TSC22D1: variants seen among roughly 807,000 people sequenced by gnomAD.
The protein encoded by TSC22D1 is TSC22 domain family member 1.
Under a neutral mutation model 74.2 loss-of-function variants are expected in TSC22D1, and 9 were observed. That is an observed-to-expected ratio of 0.12 (90% CI 0.07 to 0.21). The LOEUF (loss-of-function observed/expected upper bound fraction) is 0.21. TSC22D1 is among the 10% of genes least tolerant of loss of function. TSC22D1 has a pLI of 1.00. For synonymous variants in TSC22D1, 586 were observed against 492.5 expected (o/e 1.19, Z -2.51); for missense variants, 1,427 against 1,304.7 (o/e 1.09, Z -1.44).
At chr13:44,539,598 A>T in intron 1 of TSC22D1, 1 of 985,386 alleles carries the variant, frequency 1.0e-6, no homozygotes, top group Non-Finnish European at 1.2e-6. Flanking sequence ...ATTAAATTTT[A>T]GGTCTCATTT....
chr13:44,509,950 C>CAAAAAAAAAAAAAAAAAAAAAAAA, intron 1 of TSC22D1, among the ~76,000 whole-genome samples: 3 of 51,430 alleles, frequency 5.8e-5, no homozygotes, highest in Non-Finnish European at 1.1e-4. Context: ...AGAAAATAAG[C>CAAAAAAAAAAAAAAAAAAAAAAAA]AAAAAAAAAA....
At chr13:44,483,647 G>A (rs1373152068) in intron 1 of TSC22D1, among the ~76,000 whole-genome samples, 2 of 146,132 alleles carry the variant, frequency 1.4e-5, no homozygotes, top group Non-Finnish European at 3.0e-5. Flanking sequence ...CAGCCTGGGC[G>A]ACAGAGCGAG....
At chr13:44,514,671 C>T (rs1012596893) in intron 1 of TSC22D1, among the ~76,000 whole-genome samples, 1 of 152,056 alleles carries the variant, frequency 6.6e-6, no homozygotes, top group Non-Finnish European at 1.5e-5. Flanking sequence ...ACTCGCCTGG[C>T]CAACAAGGTG....
At chr13:44,555,008 G>C (rs1882535779) in intron 1 of TSC22D1, among the ~76,000 whole-genome samples, 2 of 151,676 alleles carry the variant, frequency 1.3e-5, no homozygotes, top group Non-Finnish European at 1.5e-5. Flanking sequence ...GTGTCCACTT[G>C]TTAGAAGCTT....
intron 1 of TSC22D1, chr13:44,436,934 C>T (rs1874721126): frequency 3.9e-6 from 4 of 1,038,476 alleles, no homozygotes; most frequent in Non-Finnish European, 4.6e-6. Context: ...CTGGGACCGC[C>T]CCCTACTCCC....
intron 1 of TSC22D1, among the ~76,000 whole-genome samples, chr13:44,511,728 G>C (rs904548506): frequency 6.6e-6 from 1 of 151,928 alleles, no homozygotes; most frequent in Non-Finnish European, 1.5e-5. Context: ...TAGAATTTAT[G>C]ATTTTTTTTA....
At chr13:44,473,665 T>C (rs991455318) in intron 1 of TSC22D1, among the ~76,000 whole-genome samples, 8 of 152,236 alleles carry the variant, frequency 5.3e-5, no homozygotes, top group African/African-American at 1.9e-4. Flanking sequence ...TAAATTAAGC[T>C]AGTCAGGCCA....
Position 44,575,999 on chromosome 13 carries a change from C to T in TSC22D1, c.76G>A (p.Ala26Thr), listed in dbSNP as rs149004960. The T allele has an allele frequency of 2.6e-4, 413 of 1,592,774 alleles. 2 individuals are homozygous for T. In the African/African-American group the frequency reaches 5.1e-3, roughly 20 times the overall value. Residue 26 changes from alanine to threonine, a missense_variant, in exon 1 of 3, where the codon GCA (alanine) becomes ACA (threonine). Coordinates refer to ENST00000458659, the MANE Select transcript of TSC22D1 (RefSeq NM_183422.4). ...CCGCTGCCCCTTCGAGGGAACATTG[C>T]CGGGTGCGCCATCTTCCTAGCGCTA... ...DISARKMAHP[A>T]MFPRRGSGSG... is the part of the protein sequence containing the mutation.
Position 44,531,157 on chromosome 13 carries a change from A to G in TSC22D1, c.2912+42006T>C, listed in dbSNP as rs370356022. On this transcript the variant is annotated intron_variant, in intron 1 of 2. Transcript: ENST00000458659. ...ATTGATCAATACTGGTTCATCAATT[A>G]TAACAAATATAACACACTAACACAA... 1.6e-3 allele frequency among the ~76,000 whole-genome samples: 237 copies of G among 152,322 alleles called. 1 individual carries two copies. Among genetic ancestry groups the G allele is most frequent in the African/African-American group, 5.5e-3 (229 of 41,556 alleles).
At chr13:44,537,761 CA>C in intron 1 of TSC22D1, 4 of 980,170 alleles carry the variant, frequency 4.1e-6, no homozygotes, top group Non-Finnish European at 4.8e-6. Flanking sequence ...CTATACTTAA[CA>C]AAAATTTATT....
chr13:44,551,578 G>A (rs1882278469), intron 1 of TSC22D1, among the ~76,000 whole-genome samples: 3 of 152,026 alleles, frequency 2.0e-5, no homozygotes, highest in Admixed American at 2.0e-4. Flanking sequence ...GTGCCACCAC[G>A]CCTGGCTAAT....
At chr13:44,563,313 A>C (rs1160594474) in intron 1 of TSC22D1, among the ~76,000 whole-genome samples, 1 of 152,306 alleles carries the variant, frequency 6.6e-6, no homozygotes, top group East Asian at 1.9e-4. Flanking sequence ...CAAATTGTGG[A>C]ATCTGCTCAG....
upstream of TSC22D1, chr13:44,576,566 G>GCCGCC (rs1884269124): frequency 6.5e-6 from 1 of 153,878 alleles, no homozygotes; most frequent in Non-Finnish European, 1.4e-5. Context: ...CCACCCCCGG[G>GCCGCC]GCCGCCGCCG....
chr13:44,555,321 T>A (rs560695349), intron 1 of TSC22D1, among the ~76,000 whole-genome samples: 11 of 151,658 alleles, frequency 7.3e-5, no homozygotes, highest in African/African-American at 2.7e-4. Flanking sequence ...TAATAAGAAA[T>A]ACGTAGGTCG....
Position 44,574,281 on chromosome 13 carries a change from G to A in TSC22D1, c.1794C>T (p.Ser598=), listed in dbSNP as rs1884022437. ...ATGGTAGCTGGGGTTGAGCCAAACTGGAAATGGAAGGCTGCTGACCTAAAG... is the reference window on the plus strand; with the variant it reads ...ATGGTAGCTGGGGTTGAGCCAAACTAGAAATGGAAGGCTGCTGACCTAAAG... The part of the protein sequence containing the change: ...TSALGQQPSI[S]SLAQPQLPYS... The change falls in exon 1 of 3, where the codon TCC becomes TCT. Residue 598 remains serine (S), a synonymous_variant. Coordinates refer to ENST00000458659, the MANE Select transcript of TSC22D1 (RefSeq NM_183422.4). 1 of 1,614,232 alleles carries A rather than the reference G, an allele frequency of 6.2e-7. No individual in the cohort carries two copies. The highest frequency in any genetic ancestry group is 8.5e-7 in the Non-Finnish European group (1 of 1,180,040).
intron 1 of TSC22D1, among the ~76,000 whole-genome samples, chr13:44,451,826 G>C (rs1231255235): frequency 6.6e-6 from 1 of 152,162 alleles, no homozygotes; most frequent in Non-Finnish European, 1.5e-5. Context: ...TTACCTGTGG[G>C]GCTGTTGGGG....
Position 44,434,218 on chromosome 13 carries a change from G to C in TSC22D1, c.*408C>G. 1 of 1,433,162 alleles carries C rather than the reference G, an allele frequency of 7.0e-7. No homozygotes were observed. The highest frequency in any genetic ancestry group is 1.6e-5 in the South Asian group (1 of 64,266). 88.8% of individuals were successfully genotyped at this position (1,433,162 alleles called of 1,614,324 possible). A position where few individuals can be genotyped will look rare whatever the true frequency, so the allele number is the denominator to read the frequency against. On this transcript the variant is annotated 3_prime_UTR_variant, in exon 3 of 3. Transcript: ENST00000458659. ...CCTGGGGGGAGGAGAGGAGAGAGGC[G>C]AGTCCAGTGAGGAGCTCCATCGCTT...
At chr13:44,537,501 A>G in intron 1 of TSC22D1, 1 of 985,184 alleles carries the variant, frequency 1.0e-6, no homozygotes, top group Non-Finnish European at 1.2e-6. Context: ...GGCCACACAA[A>G]GCGGTTTCTA....
intron 1 of TSC22D1, among the ~76,000 whole-genome samples, chr13:44,457,939 C>T (rs1444737948): frequency 6.6e-6 from 1 of 152,206 alleles, no homozygotes; most frequent in Non-Finnish European, 1.5e-5. Flanking sequence ...ATTACACATA[C>T]ATCAGATCTG....
Sources: gnomAD v4.1 joint callset for allele counts (sites outside exome capture counted in the v4.1 genomes callset) on GRCh38, gnomAD v4.1.1 for gene constraint, MANE v1.5 for transcripts, NCBI Gene and HGNC (gene_info 2026-07-23, HGNC 2026-07-21) for gene names.